PACSIN2: variants seen among roughly 807,000 people sequenced by gnomAD.
PACSIN2 encodes protein kinase C and casein kinase substrate in neurons protein 2.
A neutral mutation model predicts 63.8 loss-of-function variants in PACSIN2; 25 were observed. The observed-to-expected ratio is 0.39, with a 90% CI of 0.29 to 0.55. The LOEUF (loss-of-function observed/expected upper bound fraction) is 0.55, where lower values mean the gene tolerates loss of function less well. Ranked by LOEUF, PACSIN2 falls within the 20% of genes least tolerant of loss-of-function variation. PACSIN2 has a pLI of 0.62. For synonymous variants in PACSIN2, 255 were observed against 256.2 expected (o/e 1.00, Z 0.05); for missense variants, 518 against 646.9 (o/e 0.80, Z 2.16).
intron 1 of PACSIN2, among the ~76,000 whole-genome samples, chr22:42,961,528 T>C (rs1311970762): frequency 6.6e-6 from 1 of 151,984 alleles, no homozygotes; most frequent in Non-Finnish European, 1.5e-5. Flanking sequence ...TCCCAGCACT[T>C]TGGTAGGCTG....
intron 7 of PACSIN2, among the ~76,000 whole-genome samples, chr22:42,879,809 A>T (rs1183034333): frequency 2.6e-5 from 4 of 152,228 alleles, no homozygotes; most frequent in Non-Finnish European, 1.5e-5. Context: ...ACCCGCTGAC[A>T]GAAGGGGCAG....
intron 6 of PACSIN2, among the ~76,000 whole-genome samples, chr22:42,883,881 G>A (rs1929266684): frequency 6.6e-6 from 1 of 152,150 alleles, no homozygotes; most frequent in Non-Finnish European, 1.5e-5. Flanking sequence ...GCGCATGCCT[G>A]TAATCCCAGC....
chr22:42,979,251 C>A (rs532865058), intron 1 of PACSIN2, among the ~76,000 whole-genome samples: 1 of 152,184 alleles, frequency 6.6e-6, no homozygotes, highest in Non-Finnish European at 1.5e-5. Flanking sequence ...TGGCCAGGTG[C>A]GGTGGCTCAT....
chr22:42,964,289 A>G (rs1364835930), intron 1 of PACSIN2, among the ~76,000 whole-genome samples: 2 of 152,128 alleles, frequency 1.3e-5, no homozygotes, highest in African/African-American at 4.8e-5. Context: ...ATGGTGGCAC[A>G]TGCCTGTAAT....
chr22:42,886,303 A>G lies in PACSIN2; in HGVS notation c.610-1742T>C, dbSNP rs377064634. ...GGCCTTCACCCTTAGGTGGATTGTA[A>G]TATTTTAGCACTAAATGCAAAAAGT... On this transcript the variant is annotated intron_variant, in intron 5 of 10. Coordinates refer to ENST00000263246, the MANE Select transcript of PACSIN2 (RefSeq NM_001184970.3). 3.3e-5 allele frequency among the ~76,000 whole-genome samples: 5 copies of G among 152,236 alleles called. No individual in the cohort carries two copies. The East Asian group carries it at 5.8e-4, about 18-fold the overall frequency.
intron 1 of PACSIN2, among the ~76,000 whole-genome samples, chr22:42,929,208 C>T (rs181030246): frequency 2.6e-5 from 4 of 152,322 alleles, no homozygotes; most frequent in Non-Finnish European, 4.4e-5. Flanking sequence ...GTGAAACAAG[C>T]CACAGTCAGC....
chr22:42,870,364 C>T lies in PACSIN2; in HGVS notation c.*993G>A, dbSNP rs769034855. 7.9e-5 allele frequency: 12 copies of T among 152,152 alleles called. No individual in the cohort carries two copies. The highest frequency in any genetic ancestry group is 1.5e-4 in the Non-Finnish European group (10 of 68,042). The allele number at this position is 152,152 out of a possible 1,614,324, so 9.4% of individuals were successfully genotyped here. On this transcript the variant is annotated 3_prime_UTR_variant, in exon 11 of 11. Coordinates refer to ENST00000263246, the MANE Select transcript of PACSIN2 (RefSeq NM_001184970.3). Reference sequence around the variant, plus strand: ...CCCAGCCGGCCAGCCAGACGTGTGCCTGAATGCCACAGACTTCAAGCAGTT... The same window carrying T: ...CCCAGCCGGCCAGCCAGACGTGTGCTTGAATGCCACAGACTTCAAGCAGTT...
chr22:43,011,834 A>C (rs1403788086), intron 1 of PACSIN2, among the ~76,000 whole-genome samples: 1 of 152,180 alleles, frequency 6.6e-6, no homozygotes, highest in Non-Finnish European at 1.5e-5. Context: ...CAACATGGTA[A>C]AACCCCATCT....
intron 1 of PACSIN2, among the ~76,000 whole-genome samples, chr22:42,936,049 T>TA (rs752064608): frequency 4.0e-5 from 6 of 151,448 alleles, no homozygotes; most frequent in South Asian, 2.1e-4. Flanking sequence ...CCGTCTCTAC[T>TA]AAAAAAAATA....
chr22:42,983,115 G>A (rs1033341159), intron 1 of PACSIN2, among the ~76,000 whole-genome samples: 10 of 151,324 alleles, frequency 6.6e-5, no homozygotes. Flanking sequence ...TCACGAGTTC[G>A]AGACCAGCCT....
chr22:42,906,805 T>C (rs777770635), intron 2 of PACSIN2, among the ~76,000 whole-genome samples: 2 of 152,188 alleles, frequency 1.3e-5, no homozygotes, highest in Non-Finnish European at 2.9e-5. Context: ...TTACGCAATA[T>C]ACACCATGTC....
At chr22:42,988,625 T>C (rs1922796998) in intron 1 of PACSIN2, among the ~76,000 whole-genome samples, 1 of 152,140 alleles carries the variant, frequency 6.6e-6, no homozygotes, top group African/African-American at 2.4e-5. Flanking sequence ...TTCAGTGAAA[T>C]GTAGCAAAAC....
At chr22:43,003,837 C>T (rs954537775) in intron 1 of PACSIN2, among the ~76,000 whole-genome samples, 1 of 152,150 alleles carries the variant, frequency 6.6e-6, no homozygotes, top group Non-Finnish European at 1.5e-5. Flanking sequence ...TGGAATCTTC[C>T]TCCTGTCCCA....
chr22:42,961,425 G>T (rs1934129773), intron 1 of PACSIN2, among the ~76,000 whole-genome samples: 1 of 115,830 alleles, frequency 8.6e-6, no homozygotes. Context: ...CCCTCTGTGA[G>T]AAACACCCAA....
intron 1 of PACSIN2, among the ~76,000 whole-genome samples, chr22:42,924,979 G>C (rs1255933737): frequency 6.6e-6 from 1 of 151,400 alleles, no homozygotes; most frequent in Non-Finnish European, 1.5e-5. Context: ...GGATGATCTC[G>C]ATCTCCTGAC....
At chr22:42,980,622 G>C (rs1193683456) in intron 1 of PACSIN2, among the ~76,000 whole-genome samples, 1 of 131,462 alleles carries the variant, frequency 7.6e-6, no homozygotes, top group Non-Finnish European at 1.6e-5. Flanking sequence ...GAGTGCCTGC[G>C]ATTGCAGGCG....
At chr22:42,982,893 A>AAAAAAAAT in intron 1 of PACSIN2, among the ~76,000 whole-genome samples, 1 of 120,254 alleles carries the variant, frequency 8.3e-6, no homozygotes, top group African/African-American at 3.6e-5. Context: ...AAAAAAAACA[A>AAAAAAAAT]CAACAAGGCT....
chr22:42,912,041 A>T lies in PACSIN2; in HGVS notation c.40T>A (p.Ser14Thr). The T allele has an allele frequency of 6.2e-7, 1 of 1,607,000 alleles. No homozygotes were observed. Among genetic ancestry groups the T allele is most frequent in the Non-Finnish European group, 8.5e-7 (1 of 1,177,196 alleles). Reference protein sequence around the residue: ...TYDDSVGVEVSSDSFWEVGNY... With the variant: ...TYDDSVGVEVTSDSFWEVGNY... ...ATTACCTCCCAGAAGCTGTCGCTGGACACTTCTACTCCAACGGAATCATCA... is the reference window on the plus strand; with the variant it reads ...ATTACCTCCCAGAAGCTGTCGCTGGTCACTTCTACTCCAACGGAATCATCA... Residue 14 changes from serine to threonine, a missense_variant, in exon 2 of 11, where the codon TCC (serine) becomes ACC (threonine). Physicochemically the swap from Ser to Thr is moderately conservative, Grantham distance 58 (BLOSUM62 1). Transcript: ENST00000263246.
chr22:42,905,598 C>G (rs1931020046), intron 2 of PACSIN2, among the ~76,000 whole-genome samples: 1 of 152,264 alleles, frequency 6.6e-6, no homozygotes, highest in Non-Finnish European at 1.5e-5. Flanking sequence ...TTCTTTTCCT[C>G]CACTGAAAGT....
Sources: allele counts gnomAD v4.1 joint callset (sites outside exome capture counted in the v4.1 genomes callset), GRCh38; gene constraint gnomAD v4.1.1; transcripts MANE v1.5; gene names NCBI Gene and HGNC (gene_info 2026-07-23, HGNC 2026-07-21).